Variants in RTKN2 observed in about 807,000 individuals in gnomAD.
The protein encoded by RTKN2 is rhotekin-2.
RTKN2 carries 69 observed loss-of-function variants against 71.5 expected under a neutral mutation model. That is an observed-to-expected ratio of 0.96 (90% CI 0.79 to 1.18). RTKN2 has a LOEUF of 1.18. Among genes scored for constraint, RTKN2 ranks in the 50% most tolerant of loss-of-function variants. RTKN2 has a pLI of 0.00. For missense variants in RTKN2, 724 were observed against 719.7 expected, an observed-to-expected ratio of 1.01 and a Z score of -0.07; for synonymous variants, 236 against 236.5, an observed-to-expected ratio of 1.00 and a Z score of 0.02.
Position 62,195,485 on chromosome 10 carries a change from A to G in RTKN2, c.*2423T>C, listed in dbSNP as rs1589327912. The G allele has an allele frequency of 3.2e-6, 3 of 933,680 alleles. No homozygotes were observed. The highest frequency in any genetic ancestry group is 3.8e-6 in the Non-Finnish European group (3 of 783,180). The allele number at this position is 933,680 out of a possible 1,614,324, so 57.8% of individuals were successfully genotyped here. A position where few individuals can be genotyped will look rare whatever the true frequency, so the allele number is the denominator to read the frequency against. The stretch of plus-strand genomic sequence containing the variant: ...AACTGTAAAGGAAGGGAGGAAGGAG[A>G]GACAGAAGGAAAGTGGGAAAAGGGG... On this transcript the variant is annotated 3_prime_UTR_variant, in exon 12 of 12. Coordinates refer to ENST00000373789, the MANE Select transcript of RTKN2 (RefSeq NM_145307.4).
intron 3 of RTKN2, among the ~76,000 whole-genome samples, chr10:62,242,295 G>A (rs878866857): frequency 6.6e-6 from 1 of 151,942 alleles, no homozygotes; most frequent in Admixed American, 6.5e-5. Context: ...CCTTTCCCAA[G>A]TGTTTTATTA....
rs539872106 is a variant in RTKN2, at chr10:62,218,471, T to C, written c.782-170A>G. ...ATCCTACCCAAATACCAGTGCCATA[T>C]TAAGTGAGAAAATCAAATATGAGAA... On this transcript the variant is annotated intron_variant, in intron 7 of 11. Coordinates refer to ENST00000373789, the MANE Select transcript of RTKN2 (RefSeq NM_145307.4). Among the ~76,000 whole-genome samples, 22 of 152,270 alleles carry C rather than the reference T, an allele frequency of 1.4e-4. No individual in the cohort carries two copies. The South Asian group carries it at 4.6e-3, about 32-fold the overall frequency.
At chr10:62,210,554 T>A (rs1437761746) in intron 9 of RTKN2, among the ~76,000 whole-genome samples, 1 of 152,176 alleles carries the variant, frequency 6.6e-6, no homozygotes, top group Non-Finnish European at 1.5e-5. Flanking sequence ...GCTGTAAAGA[T>A]AAATGAGTTA....
At chr10:62,262,158 T>G (rs189290698) in intron 2 of RTKN2, among the ~76,000 whole-genome samples, 2 of 152,358 alleles carry the variant, frequency 1.3e-5, no homozygotes, top group African/African-American at 4.8e-5. Context: ...CTGGGACTTA[T>G]GTTCACCATA....
chr10:62,190,009 C>G (rs1841195558), downstream of RTKN2, among the ~76,000 whole-genome samples: 1 of 152,138 alleles, frequency 6.6e-6, no homozygotes, highest in Non-Finnish European at 1.5e-5. Context: ...ATCTTTTCCT[C>G]TCATTCATAT....
chr10:62,223,851 G>A (rs1173582771), intron 6 of RTKN2, among the ~76,000 whole-genome samples: 1 of 152,116 alleles, frequency 6.6e-6, no homozygotes, highest in Non-Finnish European at 1.5e-5. Flanking sequence ...CAGAGACTCA[G>A]ATATTTGTAC....
Position 62,193,287 on chromosome 10 carries a change from A to G in RTKN2, c.*4621T>C. On this transcript the variant is annotated 3_prime_UTR_variant, in exon 12 of 12. Transcript: ENST00000373789. ...CTTTTCAATCTACCTCTCCTTTAGT[A>G]GTTACATTAAGAGATTACCATGTCT... 1 of 972,860 alleles carries G rather than the reference A, an allele frequency of 1.0e-6. No homozygotes were observed. The highest frequency in any genetic ancestry group is 1.2e-6 in the Non-Finnish European group (1 of 818,492). The allele number at this position is 972,860 out of a possible 1,614,324, so 60.3% of individuals were successfully genotyped here. A position where few individuals can be genotyped will look rare whatever the true frequency, so the allele number is the denominator to read the frequency against.
chr10:62,227,806 C>T (rs1391070467), intron 6 of RTKN2, among the ~76,000 whole-genome samples: 2 of 152,096 alleles, frequency 1.3e-5, no homozygotes, highest in Non-Finnish European at 2.9e-5. Context: ...TGGAATAGAA[C>T]GGTGGTGGTG....
At chr10:62,262,107 C>T (rs1842784807) in intron 2 of RTKN2, among the ~76,000 whole-genome samples, 1 of 152,200 alleles carries the variant, frequency 6.6e-6, no homozygotes, top group Non-Finnish European at 1.5e-5. Context: ...CATTAGCTTC[C>T]ATCACTTGTT....
At chr10:62,217,778 G>A (rs7895575) in intron 8 of RTKN2, among the ~76,000 whole-genome samples, 111,509 of 152,094 alleles carry the variant, frequency 0.73, 41,140 homozygotes, top group East Asian at 0.9. Context: ...AAATAACTAT[G>A]GTTATAAATA....
chr10:62,220,570 C>T (rs1432903021), intron 7 of RTKN2, among the ~76,000 whole-genome samples: 2 of 152,096 alleles, frequency 1.3e-5, no homozygotes, highest in Non-Finnish European at 1.5e-5. Context: ...GTAAGAAACA[C>T]GAAGGATACA....
At chr10:62,243,729 A>C (rs1842426018) in intron 3 of RTKN2, among the ~76,000 whole-genome samples, 1 of 152,108 alleles carries the variant, frequency 6.6e-6, no homozygotes, top group African/African-American at 2.4e-5. Flanking sequence ...ATTCTTGCAA[A>C]TGGCTCAGTT....
Position 62,199,840 on chromosome 10 carries a change from T to A in RTKN2, c.1208A>T (p.Glu403Val). 1 of 1,612,978 alleles carries A rather than the reference T, an allele frequency of 6.2e-7. No homozygotes were observed. Residue 403 changes from glutamate to valine, a missense_variant, in exon 11 of 12, where the codon GAA (glutamate) becomes GTA (valine). Physicochemically the swap from Glu to Val is moderately radical, Grantham distance 121. Transcript: ENST00000373789. ...FDLSQWKHCC[E>V]ELMKIEIMSP... The stretch of plus-strand genomic sequence containing the variant: ...CATAATCTCAATTTTCATAAGTTCT[T>A]CACAACAGTGCTTCCATTGGCCTAA...
At chr10:62,253,780 CA>C in intron 2 of RTKN2, among the ~76,000 whole-genome samples, 1 of 151,624 alleles carries the variant, frequency 6.6e-6, no homozygotes, top group Non-Finnish European at 1.5e-5. Flanking sequence ...GGCATGTGAC[CA>C]AAACTATACA....
At chr10:62,214,072 C>T (rs1215531754) in intron 9 of RTKN2, among the ~76,000 whole-genome samples, 1 of 151,798 alleles carries the variant, frequency 6.6e-6, no homozygotes. Context: ...AAGAGAAAAA[C>T]ACAGGAAACC....
At chr10:62,219,374 C>T (rs1841855014) in intron 7 of RTKN2, among the ~76,000 whole-genome samples, 1 of 152,176 alleles carries the variant, frequency 6.6e-6, no homozygotes, top group Non-Finnish European at 1.5e-5. Context: ...GAAGAAGTAG[C>T]CCAGATTGAA....
chr10:62,218,058 C>A, intron 8 of RTKN2, 137 bp downstream of exon 8: 2 of 600,196 alleles, frequency 3.3e-6, no homozygotes, highest in South Asian at 4.4e-5. Context: ...CAGTTTATAT[C>A]TGATAACATT....
In RTKN2 at chr10:62,196,807, TA is replaced by T. The variant is rs991978834; in HGVS notation, c.*1100del. ...CTCTTGTTTACAAAAAGCATTATTA[TA>T]AAAAATGGATTTTTTGTTCCTTTAA... On this transcript the variant is annotated 3_prime_UTR_variant, in exon 12 of 12. Transcript: ENST00000373789. 2 of 975,156 alleles carry T rather than the reference TA, an allele frequency of 2.1e-6. No individual in the cohort carries two copies. The highest frequency in any genetic ancestry group is 2.4e-6 in the Non-Finnish European group (2 of 820,692). 60.4% of individuals were successfully genotyped at this position (975,156 alleles called of 1,614,324 possible).
At chr10:62,262,913 C>A (rs1842800942) in intron 1 of RTKN2, 92 bp from the exon 2 acceptor site, 9 of 690,496 alleles carry the variant, frequency 1.3e-5, no homozygotes, top group Non-Finnish European at 2.1e-5. Context: ...TAATTGTATA[C>A]CATATTGAGA....
Sources: allele counts gnomAD v4.1 joint callset (sites outside exome capture counted in the v4.1 genomes callset), GRCh38; gene constraint gnomAD v4.1.1; transcripts MANE v1.5; gene names NCBI Gene and HGNC (gene_info 2026-07-23, HGNC 2026-07-21).